Variants in DSP observed in about 807,000 individuals in gnomAD.
The protein encoded by DSP is desmoplakin.
Under a neutral mutation model 290.6 loss-of-function variants are expected in DSP, and 114 were observed. The observed-to-expected ratio is 0.39, with a 90% CI of 0.34 to 0.46. The LOEUF (loss-of-function observed/expected upper bound fraction) is 0.46, where lower values mean the gene tolerates loss of function less well. Among genes scored for constraint, DSP ranks in the 20% least tolerant of loss-of-function variants. DSP has a pLI of 0.99. For missense variants in DSP, 3,230 were observed against 3,495.8 expected (o/e 0.92, Z 1.92); for synonymous variants, 1,311 against 1,316.4 (o/e 1.00, Z 0.09).
In DSP at chr6:7,571,403, A is replaced by T; in HGVS notation, c.1722A>T (p.Glu574Asp). The change falls in exon 14 of 24, where the codon GAA becomes GAT. Residue 574 changes from glutamate (E) to aspartate (D), a missense_variant. Glu to Asp is a conservative substitution (Grantham distance 45). This residue lies in a region of DSP where 81 missense variants were observed against 130.5 expected (regional missense o/e 0.62). Transcript: ENST00000379802. ...TIAKLKTMRQ[E>D]DYMKTIADLE... ...TTCAGCTGAAAACAATGCGGCAGGAAGATTACATGAAGACGATAGCCGACC... is the reference window on the plus strand; with the variant it reads ...TTCAGCTGAAAACAATGCGGCAGGATGATTACATGAAGACGATAGCCGACC... 1 of 1,614,208 alleles carries T rather than the reference A, an allele frequency of 6.2e-7. No individual in the cohort carries two copies. The highest frequency in any genetic ancestry group is 8.5e-7 in the Non-Finnish European group (1 of 1,180,040).
intron 19 of DSP, 29 bp downstream of exon 19, chr6:7,576,485 GT>G (rs769730968): frequency 1.2e-6 from 2 of 1,613,634 alleles, no homozygotes; most frequent in Non-Finnish European, 1.7e-6. Flanking sequence ...TTCCATAGCT[GT>G]TTTGAGATTA....
In DSP at chr6:7,577,019, G is replaced by A. The variant is rs778823402; in HGVS notation, c.2854G>A (p.Glu952Lys). 6.2e-7 allele frequency: 1 copy of A among 1,612,506 alleles called. No homozygotes were observed. Among genetic ancestry groups the A allele is most frequent in the East Asian group, 2.2e-5 (1 of 44,818 alleles). The change falls in exon 20 of 24, where the codon GAA (glutamate) becomes AAA (lysine). Residue 952 changes from glutamate to lysine, a missense_variant. Glu to Lys is a moderately conservative substitution (Grantham distance 56, BLOSUM62 1). This residue lies in a region of DSP where 1,714 missense variants were observed against 1,844.5 expected (regional missense o/e 0.93). Transcript: ENST00000379802. ...DKSEEVQKIA[E>K]LCANSIKDYE... ...ATCAGAGGAAGTACAAAAAATTGCT[G>A]AACTTTGCGCCAATTCAATTAAGGT...
At chr6:7,549,956 C>T (rs1255885797) in intron 1 of DSP, among the ~76,000 whole-genome samples, 1 of 151,818 alleles carries the variant, frequency 6.6e-6, no homozygotes, top group Non-Finnish European at 1.5e-5. Context: ...CTATAATGTC[C>T]CTCTTTGAAA....
chr6:7,583,971 G>C lies in DSP; in HGVS notation c.6709G>C (p.Glu2237Gln). ...ILRPSTVNELESGQISYDEVG... is the reference protein window; with the variant it reads ...ILRPSTVNELQSGQISYDEVG... ...GAGACCGTCCACTGTCAATGAACTG[G>C]AATCTGGTCAGATTTCTTATGACGA... Residue 2237 changes from glutamate (E) to glutamine (Q), a missense_variant, in exon 24 of 24, where the codon GAA (glutamate) becomes CAA (glutamine). By Grantham distance (29) the Glu-to-Gln change is conservative (BLOSUM62 2). Around this residue, in one of 5 missense-constraint regions of DSP, gnomAD observed 207 missense variants for 281.2 expected, o/e 0.74. Transcript: ENST00000379802. This position sits in a 1 kb window ranked among gnomAD's most constrained non-coding sequence, Gnocchi z 4.0. 1 of 1,614,142 alleles carries C rather than the reference G, an allele frequency of 6.2e-7. No individual in the cohort carries two copies. Among genetic ancestry groups the C allele is most frequent in the South Asian group, 1.1e-5 (1 of 91,056 alleles).
intron 5 of DSP, 124 bp from the exon 6 acceptor site, chr6:7,563,612 A>T: frequency 1.3e-6 from 1 of 792,632 alleles, no homozygotes; most frequent in Non-Finnish European, 2.2e-6. Context: ...TAGAGCTAGT[A>T]ATTCTTTCTT....
Position 7,549,397 on chromosome 6 carries a change from C to A in DSP, c.171-6321C>A, listed in dbSNP as rs374310545. ...CTCCCGACCTCAGGTGATCCTCCCG[C>A]CTCAGCCTCCTGAAGTGTTGGGATT... On this transcript the variant is annotated intron_variant, in intron 1 of 23. Coordinates refer to ENST00000379802, the MANE Select transcript of DSP (RefSeq NM_004415.4). 3.9e-5 allele frequency among the ~76,000 whole-genome samples: 6 copies of A among 152,344 alleles called. 1 individual carries two copies. Among genetic ancestry groups the A allele is most frequent in the African/African-American group, 1.4e-4 (6 of 41,572 alleles).
Position 7,542,082 on chromosome 6 carries a change from A to T in DSP, c.167A>T (p.Tyr56Phe). 1 of 1,559,376 alleles carries T rather than the reference A, an allele frequency of 6.4e-7. No homozygotes were observed. Among genetic ancestry groups the T allele is most frequent in the Non-Finnish European group, 8.7e-7 (1 of 1,151,908 alleles). The change falls in exon 1 of 24, where the codon TAC becomes TTC. Residue 56 changes from tyrosine to phenylalanine, a missense_variant. Around this residue, in one of 5 missense-constraint regions of DSP, gnomAD observed 646 missense variants for 684.3 expected, o/e 0.94. Coordinates refer to ENST00000379802, the MANE Select transcript of DSP (RefSeq NM_004415.4). ...ATCACCGACCAGAACTCGGACGGCT[A>T]CTGGTGGGTACCTGCCCGGAGAGCG... Reference protein sequence around the residue: ...GVITDQNSDGYCQTGTMSRHQ... With the variant: ...GVITDQNSDGFCQTGTMSRHQ...
Position 7,569,356 on chromosome 6 carries a change from T to C in DSP, c.1574+16T>C, listed in dbSNP as rs1447452529. On this transcript the variant is annotated intron_variant, in intron 12 of 23. Transcript: ENST00000379802. ...TCTCTTGCAAGTAAGTCATCCAAGTTCCCAAAGCCACGCATGCACGCATGA... is the reference window on the plus strand; with the variant it reads ...TCTCTTGCAAGTAAGTCATCCAAGTCCCCAAAGCCACGCATGCACGCATGA... The C allele has an allele frequency of 6.2e-7, 1 of 1,614,044 alleles. No individual in the cohort carries two copies. The highest frequency in any genetic ancestry group is 1.3e-5 in the African/African-American group (1 of 74,972).
chr6:7,575,110 T>C (rs911590966), intron 17 of DSP, among the ~76,000 whole-genome samples, 185 bp from the exon 18 acceptor site: 3 of 152,214 alleles, frequency 2.0e-5, no homozygotes, highest in African/African-American at 7.2e-5. Context: ...AAGAACAAGA[T>C]TATTGGAACA....
At chr6:7,548,610 G>A (rs977389306) in intron 1 of DSP, among the ~76,000 whole-genome samples, 2 of 152,180 alleles carry the variant, frequency 1.3e-5, no homozygotes, top group Admixed American at 6.5e-5. Context: ...TGTGAAAATC[G>A]AGAAAACCGC....
rs1759573942 is a variant in DSP at position 7,584,782 on chromosome 6, C to A, written c.7520C>A (p.Thr2507Asn). ...CAGGAATGTGAATGGGAAGAAATAA[C>A]CATCACGGGATCAGATGGCTCCACC... is the stretch of plus-strand genomic sequence containing the variant. The part of the protein sequence containing the change: ...CEQECEWEEI[T>N]ITGSDGSTRV... Residue 2507 changes from threonine (T) to asparagine (N), a missense_variant, in exon 24 of 24, where the codon ACC becomes AAC. Physicochemically the swap from Thr to Asn is moderately conservative, Grantham distance 65 (BLOSUM62 0). Coordinates refer to ENST00000379802, the MANE Select transcript of DSP (RefSeq NM_004415.4). The surrounding 1 kb of genome is among the most constrained non-coding windows in gnomAD (Gnocchi z 6.4). 1 of 1,614,198 alleles carries A rather than the reference C, an allele frequency of 6.2e-7. No homozygotes were observed. The highest frequency in any genetic ancestry group is 1.7e-5 in the Admixed American group (1 of 60,030).
At position 7,554,067 on chromosome 6, in the gene DSP, A is replaced by G. The variant is rs190028728; in HGVS notation, c.171-1651A>G. 3.6e-4 allele frequency among the ~76,000 whole-genome samples: 51 copies of G among 142,646 alleles called. 3 individuals carry two copies. The highest frequency in any genetic ancestry group is 1.2e-3 in the African/African-American group (47 of 38,672). The allele number at this position is 142,646 out of a possible 152,430, so 93.6% of individuals were successfully genotyped here. On this transcript the variant is annotated intron_variant, in intron 1 of 23. Coordinates refer to ENST00000379802, the MANE Select transcript of DSP (RefSeq NM_004415.4). ...GTCAAACATTTTTTTTTAAACAGTG[A>G]AATTCTTTCTTTAAAACACACACAC...
Position 7,579,586 on chromosome 6 carries a change from T to C in DSP, c.3396T>C (p.Phe1132=), listed in dbSNP as rs41302881. The change falls in exon 23 of 24, where the codon TTT becomes TTC. Residue 1132 remains phenylalanine (F), a synonymous_variant. Transcript: ENST00000379802. This position sits in a 1 kb window ranked among gnomAD's most constrained non-coding sequence, Gnocchi z 4.1. ...GAAGAAAATCTGTGGAAGACAGATT[T>C]GACCAACAGAAGAATGACTATGACC... is the stretch of plus-strand genomic sequence containing the variant. ...KRRRKSVEDR[F]DQQKNDYDQL... 1.9e-5 allele frequency: 31 copies of C among 1,613,934 alleles called. No homozygotes were observed. Among genetic ancestry groups the C allele is most frequent in the Non-Finnish European group, 2.5e-5 (30 of 1,180,022 alleles).
At chr6:7,561,924 G>A (rs1308704698) in intron 4 of DSP, among the ~76,000 whole-genome samples, 1 of 152,160 alleles carries the variant, frequency 6.6e-6, no homozygotes, top group East Asian at 1.9e-4. Flanking sequence ...TGGAACTGGC[G>A]GAACAGTGTG....
In DSP at chr6:7,541,829, C is replaced by G. The variant is rs547756487; in HGVS notation, c.-87C>G. 245 of 1,479,340 alleles carry G rather than the reference C, an allele frequency of 1.7e-4. 3 individuals are homozygous for G. In the South Asian group the frequency reaches 3.0e-3, roughly 18 times the overall value. 91.6% of individuals were successfully genotyped at this position (1,479,340 alleles called of 1,614,324 possible). ...TCCCGCCCGGTTCCCCGGCCGTCCG[C>G]CTATCCTTGGCCCCCTCCGCTTTCT... On this transcript the variant is annotated 5_prime_UTR_variant, in exon 1 of 24. Transcript: ENST00000379802.
At chr6:7,581,704 A>G (rs1759445610) in intron 23 of DSP, 135 bp downstream of exon 23, 3 of 1,224,100 alleles carry the variant, frequency 2.5e-6, no homozygotes, top group Non-Finnish European at 3.4e-6. Flanking sequence ...TTGCTCTACT[A>G]CTTCCTGTCA....
intron 20 of DSP, 90 bp from the exon 21 acceptor site, chr6:7,577,689 C>A: frequency 9.4e-7 from 1 of 1,060,326 alleles, no homozygotes; most frequent in Non-Finnish European, 1.5e-6. Context: ...AGACGTGCAG[C>A]CCAATGATTT....
intron 1 of DSP, among the ~76,000 whole-genome samples, chr6:7,548,601 G>T (rs991149642): frequency 1.3e-5 from 2 of 152,252 alleles, no homozygotes; most frequent in Non-Finnish European, 2.9e-5. Context: ...AACACACAGT[G>T]TGAAAATCGA....
intron 23 of DSP, 145 bp downstream of exon 23, chr6:7,581,714 A>G: frequency 2.6e-6 from 3 of 1,154,810 alleles, no homozygotes; most frequent in Non-Finnish European, 3.6e-6. Flanking sequence ...ACTTCCTGTC[A>G]TAATCCAGGT....
Sources: allele counts gnomAD v4.1 joint callset (sites outside exome capture counted in the v4.1 genomes callset), GRCh38; gene constraint gnomAD v4.1.1; regional missense constraint gnomAD v4.1.1; non-coding constraint Gnocchi (gnomAD v3.1); transcripts MANE v1.5; gene names NCBI Gene and HGNC (gene_info 2026-07-23, HGNC 2026-07-21).